TBCCD1: variants seen among roughly 807,000 people sequenced by gnomAD.
TBCCD1 encodes the protein TBCC domain-containing protein 1.
In TBCCD1, 26 loss-of-function variants were observed where a neutral mutation model predicts 53.4. The observed-to-expected ratio is 0.49, with a 90% confidence interval of 0.36 to 0.68. TBCCD1 has a LOEUF of 0.68. Ranked by LOEUF, TBCCD1 falls within the 30% of genes least tolerant of loss-of-function variation. The pLI is 0.00. For missense variants in TBCCD1, 558 were observed against 669.5 expected (o/e 0.83, Z 1.84); for synonymous variants, 245 against 241.7 (o/e 1.01, Z -0.13).
intron 7 of TBCCD1, among the ~76,000 whole-genome samples, chr3:186,550,047 T>C (rs2108453165): frequency 6.6e-6 from 1 of 152,002 alleles, no homozygotes; most frequent in East Asian, 1.9e-4. Context: ...GCCAACATGG[T>C]GAAACTAAGT....
intron 1 of TBCCD1, among the ~76,000 whole-genome samples, chr3:186,565,539 C>A (rs977775289): frequency 4.6e-5 from 7 of 152,134 alleles, no homozygotes; most frequent in Non-Finnish European, 4.4e-5. Context: ...CCATTTTATT[C>A]AACTCTTCTC....
At chr3:186,557,102 T>A (rs1714565900) in intron 3 of TBCCD1, among the ~76,000 whole-genome samples, 1 of 152,212 alleles carries the variant, frequency 6.6e-6, no homozygotes, top group Non-Finnish European at 1.5e-5. Flanking sequence ...ATTTCAAATG[T>A]ATAGCAATAA....
chr3:186,551,067 C>T, intron 7 of TBCCD1, 62 bp downstream of exon 7: 1 of 1,544,814 alleles, frequency 6.5e-7, no homozygotes, highest in Non-Finnish European at 8.7e-7. Flanking sequence ...TATTCTGTGC[C>T]TTTTTTTTAT....
chr3:186,551,055 A>C, intron 7 of TBCCD1, 74 bp downstream of exon 7: 1 of 1,524,690 alleles, frequency 6.6e-7, no homozygotes, highest in South Asian at 1.3e-5. Flanking sequence ...TTTAGTATAT[A>C]ATATTCTGTG....
chr3:186,556,844 A>G (rs1714559006), intron 3 of TBCCD1, 69 bp from the exon 4 acceptor site: 2 of 1,503,050 alleles, frequency 1.3e-6, no homozygotes, highest in Non-Finnish European at 1.8e-6. Flanking sequence ...TCTATATTTT[A>G]ATTATTTTGT....
Position 186,564,317 on chromosome 3 carries a change from T to C in TBCCD1, c.13A>G (p.Arg5Gly), listed in dbSNP as rs1341360556. The part of the protein sequence containing the change: MDQS[R>G]VLLWVKAEPF... ...TCTGCTTTCACCCAGAGGAGAACTCTGGACTGATCCATATTATCTCTAAGG... is the reference window on the plus strand; with the variant it reads ...TCTGCTTTCACCCAGAGGAGAACTCCGGACTGATCCATATTATCTCTAAGG... Residue 5 changes from arginine (R) to glycine (G), a missense_variant, in exon 2 of 8, where the codon AGA becomes GGA. Arg to Gly is a moderately radical substitution (Grantham distance 125). Transcript: ENST00000338733. The C allele has an allele frequency of 4.3e-6, 7 of 1,611,016 alleles. No homozygotes were observed. Among genetic ancestry groups the C allele is most frequent in the Non-Finnish European group, 5.1e-6 (6 of 1,178,288 alleles).
intron 6 of TBCCD1, among the ~76,000 whole-genome samples, chr3:186,551,867 C>T (rs1204428758): frequency 4.6e-5 from 7 of 152,090 alleles, no homozygotes; most frequent in African/African-American, 1.4e-4. Context: ...GTCCCAGCTA[C>T]TCGGGAGGCT....
chr3:186,569,982 G>T, upstream of TBCCD1: 2 of 595,166 alleles, frequency 3.4e-6, no homozygotes, highest in Non-Finnish European at 3.1e-6. Flanking sequence ...CTTACTATAC[G>T]CCCGATGATT....
intron 6 of TBCCD1, among the ~76,000 whole-genome samples, chr3:186,552,387 C>T (rs1714407172): frequency 6.6e-6 from 1 of 152,046 alleles, no homozygotes. Context: ...TACCTTAAAC[C>T]ACCACCATTA....
At position 186,554,616 on chromosome 3, in the gene TBCCD1, A is replaced by T. The variant is rs148498147; in HGVS notation, c.1182T>A (p.Gly394=). 8.1e-6 allele frequency: 13 copies of T among 1,614,044 alleles called. No homozygotes were observed. Among genetic ancestry groups the T allele is most frequent in the Middle Eastern group, 1.6e-4 (1 of 6,062 alleles). Residue 394 remains glycine, a synonymous_variant, in exon 6 of 8, where the codon GGT becomes GGA. Coordinates refer to ENST00000338733, the MANE Select transcript of TBCCD1 (RefSeq NM_018138.5). ...TAGGCGTAAGAACGTGAAAGATGCA[A>T]CCTGTTGTAGAAGAGATGGACAAAC... ...CHRLSISSTT[G]CIFHVLTPTR... is the part of the protein sequence containing the mutation.
intron 6 of TBCCD1, among the ~76,000 whole-genome samples, chr3:186,552,651 A>G (rs1401208023): frequency 6.6e-6 from 1 of 152,230 alleles, no homozygotes; most frequent in Non-Finnish European, 1.5e-5. Context: ...ACTTCCAGAT[A>G]GTCCTGCTTC....
At chr3:186,569,010 C>T (rs1431238623), upstream of TBCCD1, among the ~76,000 whole-genome samples, 2 of 151,804 alleles carry the variant, frequency 1.3e-5, no homozygotes, top group Non-Finnish European at 2.9e-5. Context: ...CCTGAGGTGG[C>T]GACCTTTAAG....
intron 6 of TBCCD1, 34 bp from the exon 7 acceptor site, chr3:186,551,313 G>A (rs775578384): frequency 3.4e-5 from 54 of 1,586,626 alleles, no homozygotes; most frequent in Non-Finnish European, 4.5e-5. Flanking sequence ...AAGAATATAA[G>A]AACATGAATT....
chr3:186,570,381 A>T (rs920993254), upstream of TBCCD1: 3 of 496,526 alleles, frequency 6.0e-6, no homozygotes, highest in Non-Finnish European at 1.1e-5. Flanking sequence ...GCTGGGGAGG[A>T]AGCTCCTGAT....
chr3:186,567,047 G>A (rs1028019797), intron 1 of TBCCD1, among the ~76,000 whole-genome samples: 1 of 152,204 alleles, frequency 6.6e-6, no homozygotes, highest in Non-Finnish European at 1.5e-5. Context: ...GTCCAAGGCG[G>A]CTGTCCTGGG....
upstream of TBCCD1, among the ~76,000 whole-genome samples, chr3:186,567,994 T>G (rs532860483): frequency 3.9e-5 from 6 of 152,348 alleles, no homozygotes; most frequent in East Asian, 1.2e-3. Flanking sequence ...TCTGGACATT[T>G]CCTGCTTTTT....
chr3:186,565,270 C>T (rs1714796645), intron 1 of TBCCD1, among the ~76,000 whole-genome samples: 1 of 152,062 alleles, frequency 6.6e-6, no homozygotes, highest in Non-Finnish European at 1.5e-5. Context: ...ACCACCACAC[C>T]TGGCTAATTT....
At chr3:186,566,433 T>C (rs1714834197) in intron 1 of TBCCD1, among the ~76,000 whole-genome samples, 1 of 152,192 alleles carries the variant, frequency 6.6e-6, no homozygotes, top group African/African-American at 2.4e-5. Context: ...TGCTCATGAT[T>C]TTGCATACTT....
Position 186,558,403 on chromosome 3 carries a change from G to T in TBCCD1, c.492+14C>A. 3 of 1,611,518 alleles carry T rather than the reference G, an allele frequency of 1.9e-6. No individual in the cohort carries two copies. The highest frequency in any genetic ancestry group is 2.2e-5 in the South Asian group (2 of 90,512). ...TGTCCCTTTTAGAGAATGAGATCAA[G>T]ATATAAGGAGTACCTTATTATGACA... On this transcript the variant is annotated intron_variant, in intron 3 of 7. Transcript: ENST00000338733.
Sources: gnomAD v4.1 joint callset for allele counts (sites outside exome capture counted in the v4.1 genomes callset) on GRCh38, gnomAD v4.1.1 for gene constraint, MANE v1.5 for transcripts, NCBI Gene and HGNC (gene_info 2026-07-23, HGNC 2026-07-21) for gene names.